The following HS6ST3 variants were observed in gnomAD, a reference collection of about 807,000 sequenced individuals.
The protein encoded by HS6ST3 is heparan-sulfate 6-O-sulfotransferase 3.
HS6ST3 carries 12 observed loss-of-function variants against 36.7 expected under a neutral mutation model. The ratio of observed to expected loss-of-function variants is 0.33; its 90% CI spans 0.21 to 0.53. The LOEUF is 0.53. Among genes scored for constraint, HS6ST3 ranks in the 20% least tolerant of loss-of-function variants. The pLI is 0.95. For synonymous variants in HS6ST3, 240 were observed against 257.5 expected (o/e 0.93, Z 0.65); for missense variants, 584 against 640.9 (o/e 0.91, Z 0.96).
chr13:96,815,576 T>C lies in HS6ST3; in HGVS notation c.708-16914T>C, dbSNP rs533573762. Among the ~76,000 whole-genome samples, 18 of 152,236 alleles carry C rather than the reference T, an allele frequency of 1.2e-4. No individual in the cohort carries two copies. In the South Asian group the frequency reaches 3.3e-3, roughly 28 times the overall value. On this transcript the variant is annotated intron_variant, in intron 1 of 1. Transcript: ENST00000376705. Reference sequence around the variant, plus strand: ...TCAGTACTTCATTGAGAAAGACTAGTCTTCTGAAGCCTCACCCCTAACTAA... The same window carrying C: ...TCAGTACTTCATTGAGAAAGACTAGCCTTCTGAAGCCTCACCCCTAACTAA...
rs116489769 is a variant in HS6ST3, at chr13:96,541,710, C to G, written c.708-290780C>G. ...TCTGCCTAGGGCCAAATGGGAGGTG[C>G]TTCCCCCAGCCAACTGATACTCTGT... On this transcript the variant is annotated intron_variant, in intron 1 of 1. Transcript: ENST00000376705. Among the ~76,000 whole-genome samples the G allele has an allele frequency of 7.8e-3, 1,192 of 152,256 alleles. 10 individuals are homozygous for G. The highest frequency in any genetic ancestry group is 0.027 in the African/African-American group (1,131 of 41,536).
intron 1 of HS6ST3, among the ~76,000 whole-genome samples, chr13:96,454,716 C>A (rs369782770): frequency 6.6e-6 from 1 of 151,708 alleles, no homozygotes; most frequent in Non-Finnish European, 1.5e-5. Flanking sequence ...CTGTGAGTCA[C>A]TATAGACAGT....
intron 1 of HS6ST3, among the ~76,000 whole-genome samples, chr13:96,648,785 G>A (rs1232894857): frequency 3.3e-5 from 5 of 151,916 alleles, no homozygotes; most frequent in African/African-American, 9.7e-5. Context: ...GTTTGCTGAG[G>A]ATAATGACTT....
intron 1 of HS6ST3, among the ~76,000 whole-genome samples, chr13:96,812,553 T>C (rs1005141558): frequency 6.6e-6 from 1 of 152,100 alleles, no homozygotes; most frequent in African/African-American, 2.4e-5. Flanking sequence ...TTCCAACACT[T>C]TTTTCCTCCT....
intron 1 of HS6ST3, among the ~76,000 whole-genome samples, chr13:96,376,891 G>A (rs1369786938): frequency 6.6e-6 from 1 of 151,982 alleles, no homozygotes; most frequent in Non-Finnish European, 1.5e-5. Context: ...TGATGCTGGA[G>A]GATCACTTGA....
chr13:96,361,911 T>C (rs1409400374), intron 1 of HS6ST3, among the ~76,000 whole-genome samples: 1 of 152,192 alleles, frequency 6.6e-6, no homozygotes, highest in African/African-American at 2.4e-5. Flanking sequence ...TCTCAATGTG[T>C]GACTCTCAGA....
intron 1 of HS6ST3, among the ~76,000 whole-genome samples, chr13:96,278,531 A>C (rs2139392372): frequency 6.6e-6 from 1 of 152,296 alleles, no homozygotes; most frequent in East Asian, 1.9e-4. Flanking sequence ...TCTTTGTTTA[A>C]AAAATTGAAG....
At chr13:96,811,423 A>G (rs369745639) in intron 1 of HS6ST3, among the ~76,000 whole-genome samples, 10 of 152,218 alleles carry the variant, frequency 6.6e-5, no homozygotes, top group African/African-American at 1.2e-4. Flanking sequence ...AGAATGTTCA[A>G]TGAATGTCTT....
intron 1 of HS6ST3, among the ~76,000 whole-genome samples, chr13:96,160,323 T>C (rs2054129858): frequency 6.6e-6 from 1 of 152,220 alleles, no homozygotes; most frequent in Non-Finnish European, 1.5e-5. Flanking sequence ...GCTGTTCTGA[T>C]GAGTGTGTGG....
intron 1 of HS6ST3, among the ~76,000 whole-genome samples, chr13:96,463,066 T>C (rs2055792959): frequency 6.6e-6 from 1 of 152,162 alleles, no homozygotes; most frequent in African/African-American, 2.4e-5. Context: ...TTTTCCCAAG[T>C]TGATTTATAG....
At chr13:96,729,659 G>C (rs748054321) in intron 1 of HS6ST3, among the ~76,000 whole-genome samples, 1 of 151,410 alleles carries the variant, frequency 6.6e-6, no homozygotes, top group Non-Finnish European at 1.5e-5. Context: ...TAGAGCCAAA[G>C]TTTCACCATG....
intron 1 of HS6ST3, among the ~76,000 whole-genome samples, chr13:96,157,598 G>A (rs978077053): frequency 1.3e-5 from 2 of 152,208 alleles, no homozygotes; most frequent in African/African-American, 2.4e-5. Context: ...TGGGAAACTG[G>A]TGTGCTCAAG....
intron 1 of HS6ST3, among the ~76,000 whole-genome samples, chr13:96,815,882 A>G (rs1878410769): frequency 6.6e-6 from 1 of 152,146 alleles, no homozygotes; most frequent in African/African-American, 2.4e-5. Flanking sequence ...ACAATCCCCC[A>G]TGAGCCGCTA....
chr13:96,145,893 C>G (rs543507249), intron 1 of HS6ST3, among the ~76,000 whole-genome samples: 16 of 152,246 alleles, frequency 1.1e-4, no homozygotes, highest in Admixed American at 3.3e-4. Context: ...TTCCCCAGCA[C>G]CATTTATTAA....
At chr13:96,091,954 G>C (rs1439944052) in intron 1 of HS6ST3, among the ~76,000 whole-genome samples, 2 of 152,136 alleles carry the variant, frequency 1.3e-5, no homozygotes, top group African/African-American at 4.8e-5. Context: ...TAAGTTTTGG[G>C]AGTGTAAACC....
intron 1 of HS6ST3, among the ~76,000 whole-genome samples, chr13:96,237,047 G>C (rs997169431): frequency 6.6e-6 from 1 of 152,180 alleles, no homozygotes; most frequent in African/African-American, 2.4e-5. Context: ...CAAGGGGGAA[G>C]CCCCTTATAA....
Position 96,621,422 on chromosome 13 carries a change from G to A in HS6ST3, c.708-211068G>A, listed in dbSNP as rs2056494646. ...TTCCCTCCTGCCACCTTGTGAAGAA[G>A]GTGCCTGCTTCCCTTTTACCTTCTG... On this transcript the variant is annotated intron_variant, in intron 1 of 1. Transcript: ENST00000376705. Among the ~76,000 whole-genome samples, 3 of 152,114 alleles carry A rather than the reference G, an allele frequency of 2.0e-5. No homozygotes were observed. The South Asian group carries it at 6.2e-4, about 32-fold the overall frequency.
intron 1 of HS6ST3, among the ~76,000 whole-genome samples, chr13:96,749,245 TAATAA>T (rs1404398230): frequency 3.9e-5 from 6 of 152,198 alleles, no homozygotes; most frequent in Non-Finnish European, 2.9e-5. Context: ...ACTTTGTGCC[TAATAA>T]AATACTATCA....
intron 1 of HS6ST3, among the ~76,000 whole-genome samples, chr13:96,701,098 A>C (rs984051932): frequency 6.6e-6 from 1 of 152,198 alleles, no homozygotes; most frequent in African/African-American, 2.4e-5. Context: ...TGGGAGAAAA[A>C]AACACGTTGG....
Sources: allele counts gnomAD v4.1 joint callset (sites outside exome capture counted in the v4.1 genomes callset), GRCh38; gene constraint gnomAD v4.1.1; transcripts MANE v1.5; gene names NCBI Gene and HGNC (gene_info 2026-07-23, HGNC 2026-07-21).